The following EIF4G3 variants were observed in gnomAD, a reference collection of about 807,000 sequenced individuals.
EIF4G3 encodes eukaryotic translation initiation factor 4 gamma 3.
In EIF4G3, 34 loss-of-function variants were observed where a neutral mutation model predicts 186.4. The observed-to-expected ratio is 0.18, with a 90% CI of 0.14 to 0.24. The LOEUF is 0.24. Ranked by LOEUF, EIF4G3 falls within the 10% of genes least tolerant of loss-of-function variation. EIF4G3 has a pLI of 1.00. For missense variants in EIF4G3, 1,536 were observed against 1,948.5 expected (o/e 0.79, Z 3.99); for synonymous variants, 673 against 679.5 (o/e 0.99, Z 0.15).
intron 14 of EIF4G3, among the ~76,000 whole-genome samples, chr1:20,905,981 T>C (rs535486163): frequency 2.6e-4 from 39 of 152,302 alleles, no homozygotes; most frequent in African/African-American, 8.9e-4. Context: ...CACACACTTT[T>C]TGGTGGAACA....
intron 4 of EIF4G3, among the ~76,000 whole-genome samples, chr1:21,045,542 T>C (rs1168326262): frequency 6.6e-6 from 1 of 152,228 alleles, no homozygotes; most frequent in Non-Finnish European, 1.5e-5. Flanking sequence ...GGCATCATTT[T>C]GAGCATGTCT....
chr1:20,836,069 A>C (rs951627961), intron 30 of EIF4G3, among the ~76,000 whole-genome samples: 10 of 152,126 alleles, frequency 6.6e-5, no homozygotes, highest in Non-Finnish European at 1.0e-4. Context: ...AAGTCATTTT[A>C]CAAGATCAGT....
At chr1:20,926,362 T>C (rs1467617077) in intron 14 of EIF4G3, among the ~76,000 whole-genome samples, 2 of 152,208 alleles carry the variant, frequency 1.3e-5, no homozygotes, top group African/African-American at 4.8e-5. Context: ...ATAGCAAGCA[T>C]TTAATCAATG....
intron 2 of EIF4G3, among the ~76,000 whole-genome samples, chr1:21,174,495 G>T (rs1293992088): frequency 6.6e-6 from 1 of 152,186 alleles, no homozygotes; most frequent in African/African-American, 2.4e-5. Context: ...GCTCAAAGAT[G>T]CAGGTAATGA....
chr1:21,150,242 G>C (rs917544056), intron 2 of EIF4G3, among the ~76,000 whole-genome samples: 1 of 152,098 alleles, frequency 6.6e-6, no homozygotes, highest in African/African-American at 2.4e-5. Context: ...AAGCCAGGAC[G>C]GCAAGGACAA....
At chr1:20,823,396 A>AT (rs2062865003) in intron 33 of EIF4G3, among the ~76,000 whole-genome samples, 1 of 151,444 alleles carries the variant, frequency 6.6e-6, no homozygotes, top group Non-Finnish European at 1.5e-5. Flanking sequence ...TTTATTTTTT[A>AT]TTTTTGATAG....
intron 4 of EIF4G3, among the ~76,000 whole-genome samples, chr1:21,039,650 G>A (rs2093445322): frequency 6.6e-6 from 1 of 152,152 alleles, no homozygotes; most frequent in African/African-American, 2.4e-5. Context: ...TGTACAGAAT[G>A]AGACCTGTCT....
At chr1:20,995,405 C>T (rs1490635931) in intron 7 of EIF4G3, among the ~76,000 whole-genome samples, 1 of 152,086 alleles carries the variant, frequency 6.6e-6, no homozygotes, top group African/African-American at 2.4e-5. Context: ...GGGAGTCTTG[C>T]TCTGTCGCCC....
At chr1:20,831,661 GGTTA>G (rs1256054928) in intron 30 of EIF4G3, among the ~76,000 whole-genome samples, 1 of 150,518 alleles carries the variant, frequency 6.6e-6, no homozygotes, top group Non-Finnish European at 1.5e-5. Flanking sequence ...ACATTGTGCA[GGTTA>G]GTTACATATG....
intron 4 of EIF4G3, among the ~76,000 whole-genome samples, chr1:21,036,451 G>A (rs768606743): frequency 2.6e-5 from 4 of 152,022 alleles, no homozygotes; most frequent in Non-Finnish European, 5.9e-5. Context: ...CAAAGATCCC[G>A]TAATGTTAGT....
intron 13 of EIF4G3, among the ~76,000 whole-genome samples, chr1:20,943,894 G>A (rs1239838884): frequency 2.7e-5 from 4 of 150,860 alleles, no homozygotes; most frequent in Non-Finnish European, 5.9e-5. Flanking sequence ...GAATCAATAG[G>A]CTCTCATTGC....
At chr1:21,143,205 C>T (rs1230709106) in intron 2 of EIF4G3, among the ~76,000 whole-genome samples, 3 of 151,460 alleles carry the variant, frequency 2.0e-5, no homozygotes, top group South Asian at 2.1e-4. Context: ...GCCGATATTG[C>T]GCCACTGTAC....
In EIF4G3 at chr1:20,826,252, C is replaced by T. The variant is rs186698750; in HGVS notation, c.4270-1054G>A. Among the ~76,000 whole-genome samples, 842 of 152,186 alleles carry T rather than the reference C, an allele frequency of 5.5e-3. 3 individuals are homozygous for T. Among genetic ancestry groups the T allele is most frequent in the Non-Finnish European group, 9.6e-3 (653 of 68,012 alleles). The stretch of plus-strand genomic sequence containing the variant: ...CACAATCTTGGCTCACTCCAACCTC[C>T]ACCTCCCAGATTCAAGCGATTCTCC... On this transcript the variant is annotated intron_variant, in intron 32 of 36. Coordinates refer to ENST00000602326, the MANE Select transcript of EIF4G3 (RefSeq NM_001391906.1).
intron 26 of EIF4G3, among the ~76,000 whole-genome samples, chr1:20,854,724 A>C (rs1340047762): frequency 6.6e-6 from 1 of 151,176 alleles, no homozygotes; most frequent in Admixed American, 6.6e-5. Context: ...TAAATAAATA[A>C]ATAAATAAAT....
chr1:20,843,855 G>A lies in EIF4G3; in HGVS notation c.3889-2827C>T, dbSNP rs921407095. ...CAGTGTGCATTTTTCTCCTCTACGT[G>A]TCCATGTGTTCTCATCATTTAGTTT... On this transcript the variant is annotated intron_variant, in intron 29 of 36. Coordinates refer to ENST00000602326, the MANE Select transcript of EIF4G3 (RefSeq NM_001391906.1). Among the ~76,000 whole-genome samples, 7 of 152,178 alleles carry A rather than the reference G, an allele frequency of 4.6e-5. No individual in the cohort carries two copies. In the East Asian group the frequency reaches 5.8e-4, roughly 13 times the overall value.
intron 10 of EIF4G3, among the ~76,000 whole-genome samples, chr1:20,974,879 CAAG>C (rs2076544038): frequency 6.6e-6 from 1 of 151,922 alleles, no homozygotes; most frequent in Non-Finnish European, 1.5e-5. Flanking sequence ...TTCACCGTAA[CAAG>C]AAGGAAAAAA....
At chr1:21,122,493 G>T (rs981110520) in intron 2 of EIF4G3, among the ~76,000 whole-genome samples, 5 of 151,896 alleles carry the variant, frequency 3.3e-5, no homozygotes, top group African/African-American at 1.2e-4. Flanking sequence ...TACTTTTTTT[G>T]CATGTCATAA....
At chr1:21,077,763 C>A (rs1271588698) in intron 3 of EIF4G3, among the ~76,000 whole-genome samples, 1 of 151,562 alleles carries the variant, frequency 6.6e-6, no homozygotes, top group Non-Finnish European at 1.5e-5. Flanking sequence ...GCCTGTAATC[C>A]CAGATACTCA....
intron 3 of EIF4G3, among the ~76,000 whole-genome samples, chr1:21,078,154 G>A (rs1188408330): frequency 6.6e-6 from 1 of 152,166 alleles, no homozygotes; most frequent in Non-Finnish European, 1.5e-5. Flanking sequence ...ATTCAGTGCA[G>A]AGATAGCTGC....
Sources: allele counts gnomAD v4.1 joint callset (sites outside exome capture counted in the v4.1 genomes callset), GRCh38; gene constraint gnomAD v4.1.1; transcripts MANE v1.5; gene names NCBI Gene and HGNC (gene_info 2026-07-23, HGNC 2026-07-21).